Variants in TLK1 observed in about 807,000 individuals in gnomAD.
The protein encoded by TLK1 is serine/threonine-protein kinase tousled-like 1.
In TLK1, 24 loss-of-function variants were observed where a neutral mutation model predicts 105.3. That is an observed-to-expected ratio of 0.23 (90% confidence interval 0.17 to 0.32). The LOEUF is 0.32. TLK1 is among the 10% of genes least tolerant of loss of function. TLK1 has a pLI of 1.00. For synonymous variants in TLK1, 321 were observed against 310.4 expected (o/e 1.03, Z -0.36); for missense variants, 558 against 910.5 (o/e 0.61, Z 4.98).
rs190150524 is a variant in TLK1, at chr2:171,132,389, G to A, written c.140-14532C>T. 2.0e-5 allele frequency among the ~76,000 whole-genome samples: 3 copies of A among 151,962 alleles called. No homozygotes were observed. The East Asian group carries it at 5.8e-4, about 29-fold the overall frequency. The stretch of plus-strand genomic sequence containing the variant: ...CAATTCAAGATGAGATTTGGATGGC[G>A]ACACAGCTAAACCATATCAACAGTA... On this transcript the variant is annotated intron_variant, in intron 1 of 20. Transcript: ENST00000431350.
chr2:171,211,296 G>A (rs1693608231), intron 1 of TLK1, among the ~76,000 whole-genome samples: 7 of 152,100 alleles, frequency 4.6e-5, no homozygotes, highest in Admixed American at 4.6e-4. Flanking sequence ...AACCGGTTTG[G>A]GTTGTAGGAA....
intron 11 of TLK1, among the ~76,000 whole-genome samples, chr2:171,036,767 G>A (rs765968823): frequency 2.0e-5 from 3 of 152,192 alleles, no homozygotes; most frequent in Non-Finnish European, 4.4e-5. Flanking sequence ...TTTATTTGAT[G>A]AGAATTGAAC....
intron 1 of TLK1, among the ~76,000 whole-genome samples, chr2:171,195,518 A>AC (rs1693255945): frequency 6.6e-6 from 1 of 151,726 alleles, no homozygotes. Context: ...AAAAAAAAAA[A>AC]AAAACATAAT....
chr2:171,046,118 C>T, intron 11 of TLK1, 56 bp downstream of exon 11: 11 of 1,385,428 alleles, frequency 7.9e-6, no homozygotes, highest in Non-Finnish European at 1.1e-5. Flanking sequence ...CCATTAGTAA[C>T]ATTCACGCTC....
rs943656767 is a variant in TLK1 at position 171,071,444 on chromosome 2, T to C, written c.331-10288A>G. 1.6e-4 allele frequency among the ~76,000 whole-genome samples: 25 copies of C among 152,056 alleles called. 1 individual carries two copies. Among genetic ancestry groups the C allele is most frequent in the African/African-American group, 5.8e-4 (24 of 41,402 alleles). Reference sequence around the variant, plus strand: ...CTGGGACTACAGGCACCTGCCACCATGTCCAGCTAATTTTTTGTATTTTTA... The same window carrying C: ...CTGGGACTACAGGCACCTGCCACCACGTCCAGCTAATTTTTTGTATTTTTA... On this transcript the variant is annotated intron_variant, in intron 3 of 20. Transcript: ENST00000431350.
intron 3 of TLK1, among the ~76,000 whole-genome samples, chr2:171,079,161 T>C (rs929652701): frequency 1.3e-5 from 2 of 152,196 alleles, no homozygotes; most frequent in African/African-American, 4.8e-5. Context: ...CTTGTCATAC[T>C]CCCACATAAA....
At chr2:171,178,533 AC>A (rs1244983427) in intron 1 of TLK1, among the ~76,000 whole-genome samples, 4 of 152,192 alleles carry the variant, frequency 2.6e-5, no homozygotes, top group Non-Finnish European at 5.9e-5. Flanking sequence ...CCTCATAACA[AC>A]AATGGTAACC....
intron 3 of TLK1, among the ~76,000 whole-genome samples, chr2:171,076,980 T>A (rs570612339): frequency 7.2e-5 from 11 of 152,154 alleles, no homozygotes; most frequent in Admixed American, 7.2e-4. Flanking sequence ...GCTCTTATCT[T>A]CATAAAATAA....
intron 1 of TLK1, among the ~76,000 whole-genome samples, chr2:171,126,464 C>T (rs1432756843): frequency 6.6e-6 from 1 of 152,126 alleles, no homozygotes; most frequent in African/African-American, 2.4e-5. Context: ...GGTTAGTCAA[C>T]ATCACTTTAT....
chr2:171,216,367 T>C (rs183747660), intron 1 of TLK1, among the ~76,000 whole-genome samples: 73 of 152,118 alleles, frequency 4.8e-4, no homozygotes, highest in African/African-American at 1.7e-3. Context: ...TCCCAGCTAC[T>C]CGGGAGGCTG....
chr2:171,187,519 G>C (rs899549531), intron 1 of TLK1, among the ~76,000 whole-genome samples: 3 of 152,176 alleles, frequency 2.0e-5, no homozygotes, highest in Admixed American at 2.0e-4. Flanking sequence ...AGCACTTACA[G>C]TCTTTAAGGG....
At chr2:171,196,458 G>T (rs1362691609) in intron 1 of TLK1, among the ~76,000 whole-genome samples, 1 of 152,166 alleles carries the variant, frequency 6.6e-6, no homozygotes, top group Non-Finnish European at 1.5e-5. Flanking sequence ...TTATTTAAGT[G>T]TAATGTGGAT....
At chr2:171,071,816 T>C (rs1688270073) in intron 3 of TLK1, among the ~76,000 whole-genome samples, 1 of 152,196 alleles carries the variant, frequency 6.6e-6, no homozygotes, top group Admixed American at 6.5e-5. Flanking sequence ...CAGTTTTCCC[T>C]GCACCATTTA....
chr2:171,105,511 C>T (rs1011407818), intron 2 of TLK1, among the ~76,000 whole-genome samples: 8 of 152,180 alleles, frequency 5.3e-5, no homozygotes, highest in South Asian at 4.2e-4. Flanking sequence ...CATGGTGAAA[C>T]GCCATCTCTA....
At chr2:171,204,890 G>A (rs926351517) in intron 1 of TLK1, among the ~76,000 whole-genome samples, 21 of 151,970 alleles carry the variant, frequency 1.4e-4, no homozygotes, top group Non-Finnish European at 1.8e-4. Flanking sequence ...CCCGGGATTC[G>A]GAGGTTGCGG....
chr2:171,022,086 A>AAAACACACACACACACAC (rs1553605634), intron 12 of TLK1, among the ~76,000 whole-genome samples: 10 of 103,106 alleles, frequency 9.7e-5, no homozygotes, highest in African/African-American at 3.0e-4. Context: ...CTGGGCGAAA[A>AAAACACACACACACACAC]ACACACACAC....
intron 2 of TLK1, among the ~76,000 whole-genome samples, chr2:171,104,276 C>CA (rs200041617): frequency 0.3 from 32,896 of 108,070 alleles, 3,790 homozygotes; most frequent in Admixed American, 0.34. Flanking sequence ...GATTCTGTCT[C>CA]AAAAAAAAAA....
intron 3 of TLK1, 51 bp downstream of exon 3, chr2:171,082,730 T>C: frequency 5.2e-6 from 7 of 1,356,618 alleles, no homozygotes; most frequent in Non-Finnish European, 7.3e-6. Context: ...ATTAAAACGG[T>C]GATTCCAGCT....
At chr2:171,139,809 A>T (rs1387632222) in intron 1 of TLK1, among the ~76,000 whole-genome samples, 1 of 6,350 alleles carries the variant, frequency 1.6e-4, no homozygotes, top group African/African-American at 6.3e-4. Flanking sequence ...TCCATGGACC[A>T]GGGGTGGGGT....
Sources: allele counts gnomAD v4.1 joint callset (sites outside exome capture counted in the v4.1 genomes callset), GRCh38; gene constraint gnomAD v4.1.1; transcripts MANE v1.5; gene names NCBI Gene and HGNC (gene_info 2026-07-23, HGNC 2026-07-21).